The following MAPRE2 variants were observed in gnomAD, a reference collection of about 807,000 sequenced individuals.
MAPRE2 encodes microtubule-associated protein RP/EB family member 2.
MAPRE2 carries 13 observed loss-of-function variants against 43.2 expected under a neutral mutation model. That is an observed-to-expected ratio of 0.30 (90% CI 0.20 to 0.48). The LOEUF is 0.48. Ranked by LOEUF, MAPRE2 falls within the 20% of genes least tolerant of loss-of-function variation. The probability of loss-of-function intolerance (pLI) is 0.99; values close to 1 mark genes in which losing one functional copy is unlikely to be tolerated. For missense variants in MAPRE2, 161 were observed against 400.2 expected, an observed-to-expected ratio of 0.40 and a Z score of 5.10; for synonymous variants, 135 against 148.8, an observed-to-expected ratio of 0.91 and a Z score of 0.68.
intron 4 of MAPRE2, among the ~76,000 whole-genome samples, chr18:35,106,283 G>C (rs1357176012): frequency 1.3e-5 from 2 of 151,816 alleles, no homozygotes; most frequent in Non-Finnish European, 2.9e-5. Context: ...TTTTGAGTTT[G>C]GAATACTTGA....
intron 1 of MAPRE2, 111 bp from the exon 2 acceptor site, chr18:35,070,084 C>A: frequency 1.3e-6 from 1 of 758,890 alleles, no homozygotes; most frequent in Non-Finnish European, 2.0e-6. Flanking sequence ...TTAGCCAGAG[C>A]AGGACTTTTA....
chr18:35,041,772 C>T, intron 1 of MAPRE2, 111 bp downstream of exon 1: 1 of 1,561,826 alleles, frequency 6.4e-7, no homozygotes, highest in South Asian at 1.2e-5. Context: ...TGCAGGCATG[C>T]ATTTGTGAAG....
intron 2 of MAPRE2, among the ~76,000 whole-genome samples, chr18:35,014,089 G>C (rs549995571): frequency 1.3e-5 from 2 of 152,228 alleles, no homozygotes; most frequent in South Asian, 4.1e-4. Context: ...CAACAAGCAA[G>C]AATCCGAATA....
At chr18:35,045,212 T>A (rs571716055) in intron 1 of MAPRE2, among the ~76,000 whole-genome samples, 60 of 152,348 alleles carry the variant, frequency 3.9e-4, no homozygotes, top group Non-Finnish European at 6.0e-4. Context: ...TGACACTGTT[T>A]AATTCACAGA....
At chr18:35,095,381 C>CACACAG (rs1908356656) in intron 2 of MAPRE2, among the ~76,000 whole-genome samples, 1 of 142,672 alleles carries the variant, frequency 7.0e-6, no homozygotes, top group Non-Finnish European at 1.5e-5. Flanking sequence ...CACACACACA[C>CACACAG]ACACACACAC....
chr18:35,085,398 C>A (rs1263121574), intron 2 of MAPRE2, among the ~76,000 whole-genome samples: 1 of 152,162 alleles, frequency 6.6e-6, no homozygotes, highest in African/African-American at 2.4e-5. Context: ...TATGAACAAT[C>A]TAATATGAAG....
chr18:35,085,838 A>C (rs1015717558), intron 2 of MAPRE2, among the ~76,000 whole-genome samples: 2 of 152,202 alleles, frequency 1.3e-5, no homozygotes, highest in Non-Finnish European at 2.9e-5. Context: ...ACGACATGTC[A>C]CTGTTCATTC....
At chr18:35,005,514 G>GTTCA (rs2097031453) in exon 2 of MAPRE2, 21 of 1,543,044 alleles carry the variant, frequency 1.4e-5, no homozygotes, top group Non-Finnish European at 1.8e-5. Context: ...CAGAGGAACA[G>GTTCA]TTCATTTCAA....
intron 1 of MAPRE2, among the ~76,000 whole-genome samples, chr18:35,049,591 G>A (rs1187354648): frequency 1.3e-5 from 2 of 152,144 alleles, no homozygotes; most frequent in Non-Finnish European, 2.9e-5. Context: ...GCGAGAGTAC[G>A]TGGTGGGAGG....
intron 2 of MAPRE2, among the ~76,000 whole-genome samples, chr18:35,026,376 C>T (rs940438702): frequency 1.3e-5 from 2 of 152,120 alleles, no homozygotes; most frequent in Non-Finnish European, 2.9e-5. Flanking sequence ...AACCAATGGC[C>T]GCAACCTAAT....
intron 1 of MAPRE2, among the ~76,000 whole-genome samples, chr18:35,059,022 T>C (rs891869936): frequency 1.3e-5 from 2 of 151,164 alleles, no homozygotes; most frequent in Non-Finnish European, 2.9e-5. Context: ...GCAGCAGTGA[T>C]CACATGGCAT....
At chr18:35,109,733 G>C (rs1909087186) in intron 4 of MAPRE2, among the ~76,000 whole-genome samples, 1 of 152,118 alleles carries the variant, frequency 6.6e-6, no homozygotes. Flanking sequence ...AAGTGTGACA[G>C]CATGTAATCA....
At chr18:34,990,996 G>A (rs1320497729) in intron 1 of MAPRE2, among the ~76,000 whole-genome samples, 1 of 152,198 alleles carries the variant, frequency 6.6e-6, no homozygotes, top group African/African-American at 2.4e-5. Flanking sequence ...GGGAGGATCA[G>A]CTCCTGAGCC....
chr18:35,112,889 A>G (rs1909243331), intron 4 of MAPRE2, among the ~76,000 whole-genome samples: 1 of 152,236 alleles, frequency 6.6e-6, no homozygotes, highest in Non-Finnish European at 1.5e-5. Context: ...GAAGTCCAAG[A>G]CCAAGGCACC....
chr18:35,102,140 T>C lies in MAPRE2; in HGVS notation c.591T>C (p.His197=). The C allele has an allele frequency of 6.2e-7, 1 of 1,601,838 alleles. No homozygotes were observed. ...TCAACCTGCCAAAAAAGTCTCACCA[T>C]GCAAACTCCCCCACAGCAGGTATTG... ...QIFNLPKKSH[H]ANSPTAGAAK... The change falls in exon 4 of 7, where the codon CAT becomes CAC. Residue 197 remains histidine, a synonymous_variant. Coordinates refer to ENST00000300249, the MANE Select transcript of MAPRE2 (RefSeq NM_014268.4).
intron 2 of MAPRE2, among the ~76,000 whole-genome samples, chr18:35,009,311 T>G (rs2150582305): frequency 6.6e-6 from 1 of 152,294 alleles, no homozygotes; most frequent in South Asian, 2.1e-4. Context: ...ACCAACTCTG[T>G]GCCAAGTTTT....
At chr18:35,074,880 C>A (rs897994633) in intron 2 of MAPRE2, among the ~76,000 whole-genome samples, 13 of 151,960 alleles carry the variant, frequency 8.6e-5, no homozygotes. Context: ...CACTGTCTGT[C>A]ACTGAAAGCT....
intron 2 of MAPRE2, among the ~76,000 whole-genome samples, chr18:35,014,509 C>A (rs779617715): frequency 2.0e-5 from 3 of 151,654 alleles, no homozygotes; most frequent in Non-Finnish European, 2.9e-5. Context: ...ATGAGGGTGA[C>A]ACATTTATTT....
chr18:35,133,924 A>G (rs970458433), intron 6 of MAPRE2, among the ~76,000 whole-genome samples: 1 of 152,134 alleles, frequency 6.6e-6, no homozygotes, highest in African/African-American at 2.4e-5. Flanking sequence ...ACATCCCAGC[A>G]CCACCTTGCC....
Sources: allele counts gnomAD v4.1 joint callset (sites outside exome capture counted in the v4.1 genomes callset), GRCh38; gene constraint gnomAD v4.1.1; transcripts MANE v1.5; gene names NCBI Gene and HGNC (gene_info 2026-07-23, HGNC 2026-07-21).